Variants in NEGR1 observed in about 807,000 individuals in gnomAD.
NEGR1 encodes neuronal growth regulator 1.
NEGR1 carries 10 observed loss-of-function variants against 40.9 expected under a neutral mutation model. The ratio of observed to expected loss-of-function variants is 0.24; its 90% CI spans 0.15 to 0.42. The LOEUF is 0.42. Ranked by LOEUF, NEGR1 falls within the 10% of genes least tolerant of loss-of-function variation. NEGR1 has a pLI of 1.00. For missense variants in NEGR1, 352 were observed against 438.9 expected (o/e 0.80, Z 1.77); for synonymous variants, 185 against 166.8 (o/e 1.11, Z -0.84).
intron 6 of NEGR1, chr1:71,439,778 G>A (rs1015293191): frequency 2.0e-5 from 3 of 151,932 alleles, no homozygotes; most frequent in South Asian, 2.1e-4. Flanking sequence ...AGGGATTCTT[G>A]TTTTCTTATT....
At chr1:71,973,320 GAA>G (rs35734264) in intron 1 of NEGR1, among the ~76,000 whole-genome samples, 105 of 101,646 alleles carry the variant, frequency 1.0e-3, no homozygotes, top group African/African-American at 2.4e-3. Flanking sequence ...CAACTCAAAA[GAA>G]AAAAAAAAAA....
intron 1 of NEGR1, among the ~76,000 whole-genome samples, chr1:72,166,965 C>T (rs1439047609): frequency 6.6e-6 from 1 of 151,968 alleles, no homozygotes; most frequent in East Asian, 1.9e-4. Context: ...AAGTGACAGA[C>T]TCCTGAATTA....
chr1:71,655,385 A>C (rs1651844104), intron 4 of NEGR1, among the ~76,000 whole-genome samples: 1 of 152,198 alleles, frequency 6.6e-6, no homozygotes, highest in South Asian at 2.1e-4. Context: ...TAAAGCCTTC[A>C]GATAGAGTAA....
At chr1:71,987,691 C>T (rs532130370) in intron 1 of NEGR1, among the ~76,000 whole-genome samples, 1 of 152,178 alleles carries the variant, frequency 6.6e-6, no homozygotes, top group Non-Finnish European at 1.5e-5. Flanking sequence ...GAAATAAACA[C>T]CCCCATTTGT....
At chr1:72,022,187 T>G (rs1646765775) in intron 1 of NEGR1, among the ~76,000 whole-genome samples, 1 of 148,210 alleles carries the variant, frequency 6.7e-6, no homozygotes, top group African/African-American at 2.5e-5. Context: ...CTGTACTGAT[T>G]TTTTGGGGGA....
At chr1:72,223,757 C>T (rs896335079) in intron 1 of NEGR1, among the ~76,000 whole-genome samples, 16 of 151,958 alleles carry the variant, frequency 1.1e-4, no homozygotes, top group Admixed American at 5.9e-4. Flanking sequence ...GATCAAATAA[C>T]GCTTAAATAC....
chr1:71,840,154 A>T (rs900840657), intron 2 of NEGR1, among the ~76,000 whole-genome samples: 2 of 152,110 alleles, frequency 1.3e-5, no homozygotes, highest in African/African-American at 2.4e-5. Context: ...GATCAGTTTG[A>T]GTTTCCCTAT....
intron 2 of NEGR1, among the ~76,000 whole-genome samples, chr1:71,778,911 C>G (rs1656605306): frequency 6.6e-6 from 1 of 152,026 alleles, no homozygotes. Context: ...CAATTAAGTC[C>G]CTTAGAAATA....
intron 2 of NEGR1, among the ~76,000 whole-genome samples, chr1:71,924,104 T>C (rs1361375267): frequency 6.6e-6 from 1 of 152,112 alleles, no homozygotes; most frequent in Admixed American, 6.6e-5. Context: ...TTGTCCAGGA[T>C]GGTCTCAAGT....
intron 1 of NEGR1, among the ~76,000 whole-genome samples, chr1:71,960,285 A>G (rs1646154500): frequency 1.3e-5 from 2 of 151,060 alleles, no homozygotes; most frequent in Admixed American, 1.3e-4. Context: ...TTCTATGGGG[A>G]AAAAAATTGT....
At chr1:72,170,986 G>C (rs1303682447) in intron 1 of NEGR1, among the ~76,000 whole-genome samples, 4 of 152,116 alleles carry the variant, frequency 2.6e-5, no homozygotes, top group African/African-American at 7.2e-5. Context: ...TGTTAGATGA[G>C]ACAGAAAGGT....
At chr1:71,654,360 G>A (rs1438149655) in intron 4 of NEGR1, among the ~76,000 whole-genome samples, 3 of 152,078 alleles carry the variant, frequency 2.0e-5, no homozygotes, top group Non-Finnish European at 4.4e-5. Context: ...TGCCAATATT[G>A]TTTGATCAAT....
intron 6 of NEGR1, among the ~76,000 whole-genome samples, chr1:71,583,286 G>C (rs550076057): frequency 3.9e-5 from 6 of 152,274 alleles, no homozygotes; most frequent in African/African-American, 9.6e-5. Flanking sequence ...ATAAATGGAA[G>C]ATTTATCATG....
chr1:71,898,907 ATATTGCAAAT>A (rs1661052718), intron 2 of NEGR1, among the ~76,000 whole-genome samples: 1 of 88,052 alleles, frequency 1.1e-5, no homozygotes, highest in African/African-American at 4.3e-5. Context: ...AAATATATAT[ATATTGCAAAT>A]ATATATTTGC....
rs934333298 is a variant in NEGR1, at chr1:72,077,550, G to A, written c.177-142239C>T. Among the ~76,000 whole-genome samples the A allele has an allele frequency of 3.3e-5, 5 of 151,988 alleles. No individual in the cohort carries two copies. The South Asian group carries it at 1.0e-3, about 32-fold the overall frequency. ...CATGCCTGTAATCCCAGCACTTCGG[G>A]AGGCTGAAGTTGGGGTATGGCTTGT... On this transcript the variant is annotated intron_variant, in intron 1 of 6. Transcript: ENST00000357731.
At chr1:71,410,429 A>T (rs57076107) in intron 6 of NEGR1, among the ~76,000 whole-genome samples, 12,029 of 152,190 alleles carry the variant, frequency 0.079, 522 homozygotes, top group East Asian at 0.13. Context: ...AGATGAATAA[A>T]ACCAATCCTT....
chr1:71,610,863 G>A (rs1650227144), intron 5 of NEGR1, among the ~76,000 whole-genome samples, 163 bp downstream of exon 5: 1 of 152,114 alleles, frequency 6.6e-6, no homozygotes, highest in Non-Finnish European at 1.5e-5. Context: ...GATGCTATTA[G>A]CTACTCATCC....
intron 1 of NEGR1, among the ~76,000 whole-genome samples, chr1:71,980,375 G>C (rs2768380): frequency 0.011 from 1,742 of 152,148 alleles, 30 homozygotes; most frequent in African/African-American, 0.04. Context: ...AACAAATATT[G>C]TACATTTTCC....
At chr1:71,522,786 C>T (rs1647169123) in intron 6 of NEGR1, among the ~76,000 whole-genome samples, 1 of 150,598 alleles carries the variant, frequency 6.6e-6, no homozygotes, top group South Asian at 2.1e-4. Flanking sequence ...CCAAGCCTAA[C>T]AGTAAAGGTA....
Sources: gnomAD v4.1 joint callset for allele counts (sites outside exome capture counted in the v4.1 genomes callset) on GRCh38, gnomAD v4.1.1 for gene constraint, MANE v1.5 for transcripts, NCBI Gene and HGNC (gene_info 2026-07-23, HGNC 2026-07-21) for gene names.